NETO2: variants seen among roughly 807,000 people sequenced by gnomAD.
NETO2 encodes neuropilin and tolloid-like protein 2.
Under a neutral mutation model 62.5 loss-of-function variants are expected in NETO2, and 28 were observed. That is an observed-to-expected ratio of 0.45 (90% CI 0.33 to 0.61). NETO2 has a LOEUF of 0.61. Ranked by LOEUF, NETO2 falls within the 20% of genes least tolerant of loss-of-function variation. The pLI is 0.02. For synonymous variants in NETO2, 214 were observed against 219.1 expected, an observed-to-expected ratio of 0.98 and a Z score of 0.21; for missense variants, 548 against 643.2, an observed-to-expected ratio of 0.85 and a Z score of 1.60.
Position 47,079,933 on chromosome 16 carries a change from CAG to C in NETO2, c.*3286_*3287del, listed in dbSNP as rs1479839757. On this transcript the variant is annotated 3_prime_UTR_variant, in exon 9 of 9. Transcript: ENST00000562435. The stretch of plus-strand genomic sequence containing the variant: ...CTCATCAGTGAACACACTCCTCAAA[CAG>C]GGAAGCATTCTTCTCATCAGACATT... The C allele has an allele frequency of 1.3e-5, 2 of 152,186 alleles. No homozygotes were observed. The highest frequency in any genetic ancestry group is 4.8e-5 in the African/African-American group (2 of 41,448). 9.4% of individuals were successfully genotyped at this position (152,186 alleles called of 1,614,324 possible). A position where few individuals can be genotyped will look rare whatever the true frequency, so the allele number is the denominator to read the frequency against.
intron 6 of NETO2, among the ~76,000 whole-genome samples, chr16:47,111,164 A>T (rs1000127005): frequency 1.3e-5 from 2 of 152,180 alleles, no homozygotes; most frequent in Non-Finnish European, 2.9e-5. Flanking sequence ...TTCCAATGGA[A>T]GGTCACTGGC....
chr16:47,106,718 TA>T (rs1963682902), intron 7 of NETO2, among the ~76,000 whole-genome samples: 1 of 152,096 alleles, frequency 6.6e-6, no homozygotes, highest in Non-Finnish European at 1.5e-5. Context: ...TACAATGCTG[TA>T]CTATGCAGCT....
chr16:47,109,532 T>A lies in NETO2; in HGVS notation c.834A>T (p.Glu278Asp). Residue 278 changes from glutamate (E) to aspartate (D), a missense_variant, in exon 7 of 9, where the codon GAA becomes GAT. Physicochemically the swap from Glu to Asp is conservative, Grantham distance 45. Coordinates refer to ENST00000562435, the MANE Select transcript of NETO2 (RefSeq NM_018092.5). Reference protein sequence around the residue: ...GIGVIRMWADEGSRLSRFRML... With the variant: ...GIGVIRMWADDGSRLSRFRML... ...TTCGAAACCTGCTAAGCCGACTACC[T>A]TCATCTGCCCACATTCGAATCACTC... is the stretch of plus-strand genomic sequence containing the variant. The A allele has an allele frequency of 6.2e-7, 1 of 1,614,132 alleles. No individual in the cohort carries two copies. Among genetic ancestry groups the A allele is most frequent in the African/African-American group, 1.3e-5 (1 of 75,054 alleles).
At chr16:47,089,412 G>T (rs552222755) in intron 7 of NETO2, among the ~76,000 whole-genome samples, 2 of 152,246 alleles carry the variant, frequency 1.3e-5, no homozygotes, top group African/African-American at 2.4e-5. Flanking sequence ...TAAAATGAAG[G>T]GGATGGAATA....
chr16:47,108,584 T>C (rs140409689), intron 7 of NETO2, among the ~76,000 whole-genome samples: 79 of 152,252 alleles, frequency 5.2e-4, no homozygotes, highest in African/African-American at 1.8e-3. Context: ...CTGATGGACA[T>C]TCTACTAAAC....
chr16:47,110,444 G>A (rs1430298667), intron 6 of NETO2, among the ~76,000 whole-genome samples: 2 of 152,190 alleles, frequency 1.3e-5, no homozygotes, highest in Non-Finnish European at 2.9e-5. Context: ...TAGATTTTAA[G>A]CATTAATCTC....
Position 47,123,623 on chromosome 16 carries a change from G to A in NETO2, c.482-711C>T, listed in dbSNP as rs535586902. 4.6e-5 allele frequency among the ~76,000 whole-genome samples: 7 copies of A among 152,294 alleles called. No homozygotes were observed. In the South Asian group the frequency reaches 1.0e-3, roughly 23 times the overall value. On this transcript the variant is annotated intron_variant, in intron 4 of 8. Coordinates refer to ENST00000562435, the MANE Select transcript of NETO2 (RefSeq NM_018092.5). ...TTATTTTAAAGTTCAGATAGAACCT[G>A]TGTATATACCTAACAGCCAGAATAA...
chr16:47,104,909 G>A (rs1963637894), intron 7 of NETO2, among the ~76,000 whole-genome samples: 4 of 152,044 alleles, frequency 2.6e-5, no homozygotes, highest in East Asian at 1.9e-4. Flanking sequence ...TAGTAGAGAT[G>A]GGGTTTTGTC....
rs1240087276 is a variant in NETO2 at position 47,078,533 on chromosome 16, T to A, written c.*4688A>T. ...TAAACCAATTGCAAAAATACATTTT[T>A]AAAAAGTTAAAGTAAAGCAAATTCA... is the stretch of plus-strand genomic sequence containing the variant. On this transcript the variant is annotated 3_prime_UTR_variant, in exon 9 of 9. Coordinates refer to ENST00000562435, the MANE Select transcript of NETO2 (RefSeq NM_018092.5). 2 of 152,204 alleles carry A rather than the reference T, an allele frequency of 1.3e-5. No homozygotes were observed. The highest frequency in any genetic ancestry group is 1.9e-4 in the East Asian group (1 of 5,204). 9.4% of individuals were successfully genotyped at this position (152,204 alleles called of 1,614,324 possible). A position where few individuals can be genotyped will look rare whatever the true frequency, so the allele number is the denominator to read the frequency against.
chr16:47,096,414 T>C (rs765575445), intron 7 of NETO2, among the ~76,000 whole-genome samples: 5 of 152,128 alleles, frequency 3.3e-5, no homozygotes, highest in Non-Finnish European at 7.4e-5. Context: ...CTAGAATTAT[T>C]AAGAACAAAA....
At chr16:47,143,343 C>A (rs1335038187) in intron 1 of NETO2, among the ~76,000 whole-genome samples, 1 of 152,010 alleles carries the variant, frequency 6.6e-6, no homozygotes, top group African/African-American at 2.4e-5. Flanking sequence ...TCTTCCCACA[C>A]GCGCCCCGCG....
At chr16:47,106,845 G>C (rs1254207515) in intron 7 of NETO2, among the ~76,000 whole-genome samples, 1 of 151,094 alleles carries the variant, frequency 6.6e-6, no homozygotes, top group Non-Finnish European at 1.5e-5. Flanking sequence ...GCAGTGGCCT[G>C]ATCTCAGATC....
At chr16:47,090,607 A>G (rs1050379159) in intron 7 of NETO2, among the ~76,000 whole-genome samples, 13 of 152,140 alleles carry the variant, frequency 8.5e-5, no homozygotes, top group African/African-American at 2.4e-4. Flanking sequence ...CCCAATTTCA[A>G]TGAGATGTGG....
intron 7 of NETO2, among the ~76,000 whole-genome samples, chr16:47,096,383 A>G (rs917182089): frequency 2.6e-5 from 4 of 152,190 alleles, no homozygotes; most frequent in Admixed American, 2.6e-4. Context: ...GGACAGATCA[A>G]CAAGACTGAC....
In NETO2 at chr16:47,080,528, T is replaced by G. The variant is rs1215488745; in HGVS notation, c.*2693A>C. On this transcript the variant is annotated 3_prime_UTR_variant, in exon 9 of 9. Coordinates refer to ENST00000562435, the MANE Select transcript of NETO2 (RefSeq NM_018092.5). ...GATTAAAGGCTGTATATACAGCAAT[T>G]AGCATTATTCTGGCAATAATGCCTA... is the stretch of plus-strand genomic sequence containing the variant. 6.6e-6 allele frequency: 1 copy of G among 152,250 alleles called. No homozygotes were observed. The highest frequency in any genetic ancestry group is 1.5e-5 in the Non-Finnish European group (1 of 68,030). The allele number at this position is 152,250 out of a possible 1,614,324, so 9.4% of individuals were successfully genotyped here.
At chr16:47,135,450 TTTGA>T (rs1383967179) in intron 1 of NETO2, among the ~76,000 whole-genome samples, 1 of 152,178 alleles carries the variant, frequency 6.6e-6, no homozygotes, top group East Asian at 1.9e-4. Flanking sequence ...AACCATGCAA[TTTGA>T]TTGTACAGAG....
chr16:47,091,215 A>C (rs1253668572), intron 7 of NETO2, among the ~76,000 whole-genome samples: 1 of 152,176 alleles, frequency 6.6e-6, no homozygotes, highest in Non-Finnish European at 1.5e-5. Context: ...TGGGTAATAA[A>C]GCTAAATTTG....
In NETO2 at chr16:47,080,494, G is replaced by A. The variant is rs1194748333; in HGVS notation, c.*2727C>T. Reference sequence around the variant, plus strand: ...AAGCAATTTATAAAGTTTTCTCACTGATCTCAAAGATTAAAGGCTGTATAT... The same window carrying A: ...AAGCAATTTATAAAGTTTTCTCACTAATCTCAAAGATTAAAGGCTGTATAT... On this transcript the variant is annotated 3_prime_UTR_variant, in exon 9 of 9. Coordinates refer to ENST00000562435, the MANE Select transcript of NETO2 (RefSeq NM_018092.5). The A allele has an allele frequency of 6.6e-6, 1 of 152,144 alleles. No homozygotes were observed. The highest frequency in any genetic ancestry group is 2.4e-5 in the African/African-American group (1 of 41,426). 9.4% of individuals were successfully genotyped at this position (152,144 alleles called of 1,614,324 possible). A position where few individuals can be genotyped will look rare whatever the true frequency, so the allele number is the denominator to read the frequency against.
intron 7 of NETO2, among the ~76,000 whole-genome samples, chr16:47,089,257 C>T (rs529183374): frequency 2.0e-5 from 3 of 152,048 alleles, no homozygotes; most frequent in Non-Finnish European, 2.9e-5. Flanking sequence ...ACAATAGCTA[C>T]GAACTGTGAA....
Sources: allele counts gnomAD v4.1 joint callset (sites outside exome capture counted in the v4.1 genomes callset), GRCh38; gene constraint gnomAD v4.1.1; transcripts MANE v1.5; gene names NCBI Gene and HGNC (gene_info 2026-07-23, HGNC 2026-07-21).